Variants in SVIL observed in about 807,000 individuals in gnomAD.
The protein encoded by SVIL is supervillin.
SVIL carries 101 observed loss-of-function variants against 240.4 expected under a neutral mutation model. That is an observed-to-expected ratio of 0.42 (90% CI 0.36 to 0.50). SVIL has a LOEUF of 0.50. Ranked by LOEUF, SVIL falls within the 20% of genes least tolerant of loss-of-function variation. The probability of loss-of-function intolerance (pLI) is 0.01; values close to 1 mark genes in which losing one functional copy is unlikely to be tolerated. For synonymous variants in SVIL, 999 were observed against 1,100.0 expected, an observed-to-expected ratio of 0.91 and a Z score of 1.82; for missense variants, 2,512 against 2,818.7, an observed-to-expected ratio of 0.89 and a Z score of 2.46.
Position 29,684,632 on chromosome 10 carries a change from C to A in SVIL, c.-301+1921G>T, listed in dbSNP as rs530775091. ...TCTCATAGTCTCATAGGTGGCTGCCCCCAAACGCAATAGATGGTCAATGCT... is the reference window on the plus strand; with the variant it reads ...TCTCATAGTCTCATAGGTGGCTGCCACCAAACGCAATAGATGGTCAATGCT... On this transcript the variant is annotated intron_variant, in intron 2 of 35. Coordinates refer to the SVIL transcript ENST00000375400. 2.6e-5 allele frequency among the ~76,000 whole-genome samples: 4 copies of A among 152,156 alleles called. No individual in the cohort carries two copies. The South Asian group carries it at 8.3e-4, about 32-fold the overall frequency.
chr10:29,518,432 AAT>A (rs1950354695), intron 16 of SVIL, among the ~76,000 whole-genome samples: 1 of 152,278 alleles, frequency 6.6e-6, no homozygotes, highest in East Asian at 1.9e-4. Flanking sequence ...ATAACTTTTT[AAT>A]ATGTTTCCTT....
intron 3 of SVIL, among the ~76,000 whole-genome samples, chr10:29,650,659 C>T (rs754340280): frequency 6.6e-5 from 10 of 151,964 alleles, no homozygotes; most frequent in Non-Finnish European, 1.2e-4. Flanking sequence ...CAAAAAAAAG[C>T]CTGGAATGAA....
upstream of SVIL, among the ~76,000 whole-genome samples, chr10:29,637,251 G>A (rs559460688): frequency 4.6e-5 from 7 of 152,260 alleles, no homozygotes; most frequent in African/African-American, 1.4e-4. Context: ...TTGGTAGGCC[G>A]AGGCGGGTGG....
At chr10:29,506,169 C>T (rs954472170) in intron 17 of SVIL, among the ~76,000 whole-genome samples, 4 of 152,036 alleles carry the variant, frequency 2.6e-5, no homozygotes, top group African/African-American at 4.8e-5. Flanking sequence ...GATGAAGGGC[C>T]GACTGTATAC....
At chr10:29,688,885 T>C (rs1192359034) in intron 1 of SVIL, among the ~76,000 whole-genome samples, 1 of 152,216 alleles carries the variant, frequency 6.6e-6, no homozygotes. Flanking sequence ...GTTTACAATA[T>C]ATATGCAAAC....
chr10:29,587,780 A>G (rs1414064665), intron 1 of SVIL, among the ~76,000 whole-genome samples: 1 of 152,234 alleles, frequency 6.6e-6, no homozygotes, highest in East Asian at 1.9e-4. Flanking sequence ...AATTGACTGC[A>G]TATCCCGGAT....
Position 29,717,232 on chromosome 10 carries a change from C to CAAAA in SVIL, c.-400+18515_-400+18518dup, listed in dbSNP as rs71023503. 4.6e-3 allele frequency among the ~76,000 whole-genome samples: 176 copies of CAAAA among 38,326 alleles called. 15 individuals carry two copies. The highest frequency in any genetic ancestry group is 9.2e-3 in the Admixed American group (18 of 1,950). 25.1% of individuals were successfully genotyped at this position (38,326 alleles called of 152,430 possible). A position where few individuals can be genotyped will look rare whatever the true frequency, so the allele number is the denominator to read the frequency against. ...TGGGCGACAGAGCAAGACTCTCTCTCAAAAAAAAAAAAAAAAAAAAAAAAA... is the reference window on the plus strand; with the variant it reads ...TGGGCGACAGAGCAAGACTCTCTCTCAAAAAAAAAAAAAAAAAAAAAAAAAAAAA... On this transcript the variant is annotated intron_variant, in intron 1 of 35. Transcript: ENST00000375400.
chr10:29,557,053 C>T lies in SVIL; in HGVS notation c.-50-1945G>A, dbSNP rs779605913. Among the ~76,000 whole-genome samples, 138 of 152,030 alleles carry T rather than the reference C, an allele frequency of 9.1e-4. 1 individual carries two copies. Among genetic ancestry groups the T allele is most frequent in the Non-Finnish European group, 1.5e-3 (100 of 67,966 alleles). On this transcript the variant is annotated intron_variant, in intron 3 of 37. Coordinates refer to ENST00000355867, the MANE Select transcript of SVIL (RefSeq NM_021738.3). ...GGTCCTGAGTAGCATAATCACATCC[C>T]CTCCCCTCCCCTGCCTTCCCCTTCC...
chr10:29,702,531 G>A (rs1193975648), intron 1 of SVIL, among the ~76,000 whole-genome samples: 2 of 152,198 alleles, frequency 1.3e-5, no homozygotes, highest in Non-Finnish European at 2.9e-5. Flanking sequence ...GTATCAGGAA[G>A]TTAGCTCAGA....
chr10:29,640,633 A>G (rs765619734), intron 3 of SVIL, among the ~76,000 whole-genome samples: 1 of 152,162 alleles, frequency 6.6e-6, no homozygotes, highest in African/African-American at 2.4e-5. Flanking sequence ...CTGGTTTCCT[A>G]CCTGACCGCA....
chr10:29,714,948 TAAAAAA>T (rs61107910), intron 1 of SVIL, among the ~76,000 whole-genome samples: 69 of 78,454 alleles, frequency 8.8e-4, no homozygotes, highest in Non-Finnish European at 1.4e-3. Flanking sequence ...TGTCTGAAAT[TAAAAAA>T]AAAAAAAAAA....
At chr10:29,699,466 C>T (rs1589537945) in intron 1 of SVIL, among the ~76,000 whole-genome samples, 1 of 152,224 alleles carries the variant, frequency 6.6e-6, no homozygotes, top group African/African-American at 2.4e-5. Context: ...CCACACCAGG[C>T]TAATTTTTGT....
intron 12 of SVIL, among the ~76,000 whole-genome samples, chr10:29,529,171 C>G (rs1200638782): frequency 3.5e-5 from 3 of 85,776 alleles, no homozygotes; most frequent in East Asian, 3.4e-4. Context: ...GCAAGACTCT[C>G]TCTCAAAAAA....
chr10:29,530,529 T>C (rs1235651456), intron 11 of SVIL, 78 bp downstream of exon 11: 8 of 1,532,548 alleles, frequency 5.2e-6, no homozygotes, highest in Non-Finnish European at 7.2e-6. Context: ...CAAGTGATTC[T>C]CCTGCCTTGG....
At chr10:29,701,517 T>C (rs1360490078) in intron 1 of SVIL, among the ~76,000 whole-genome samples, 6 of 152,250 alleles carry the variant, frequency 3.9e-5, no homozygotes, top group Non-Finnish European at 8.8e-5. Flanking sequence ...ATTTCATTCA[T>C]TGAAATAGGG....
In SVIL at chr10:29,500,936, A is replaced by T. The variant is rs538764588; in HGVS notation, c.3517-1673T>A. Among the ~76,000 whole-genome samples, 5 of 152,232 alleles carry T rather than the reference A, an allele frequency of 3.3e-5. No homozygotes were observed. The South Asian group carries it at 6.2e-4, about 19-fold the overall frequency. Reference sequence around the variant, plus strand: ...GTTCATTTTCTTAACCCCTGGAATGATGGGAGTTGACAGAGGAAAGGCGCC... The same window carrying T: ...GTTCATTTTCTTAACCCCTGGAATGTTGGGAGTTGACAGAGGAAAGGCGCC... On this transcript the variant is annotated intron_variant, in intron 17 of 37. Coordinates refer to ENST00000355867, the MANE Select transcript of SVIL (RefSeq NM_021738.3).
At chr10:29,562,945 C>T (rs1337794341) in intron 3 of SVIL, among the ~76,000 whole-genome samples, 6 of 151,980 alleles carry the variant, frequency 3.9e-5, no homozygotes, top group South Asian at 2.1e-4. Context: ...CTGTCTCACC[C>T]GCCACACCCA....
intron 26 of SVIL, 90 bp downstream of exon 26, chr10:29,485,995 T>C (rs1947354864): frequency 6.8e-7 from 1 of 1,475,890 alleles, no homozygotes; most frequent in African/African-American, 1.4e-5. Context: ...CTAACCTTTA[T>C]TGGGAACTTA....
intron 1 of SVIL, among the ~76,000 whole-genome samples, chr10:29,583,924 C>T (rs1956053466): frequency 6.6e-6 from 1 of 152,182 alleles, no homozygotes; most frequent in Non-Finnish European, 1.5e-5. Context: ...AGACCACTTG[C>T]GGTATTTGTT....
Sources: allele counts gnomAD v4.1 joint callset (sites outside exome capture counted in the v4.1 genomes callset), GRCh38; gene constraint gnomAD v4.1.1; transcripts MANE v1.5; gene names NCBI Gene and HGNC (gene_info 2026-07-23, HGNC 2026-07-21).